The following NAV2 variants were observed in gnomAD, a reference collection of about 807,000 sequenced individuals.
NAV2 encodes neuron navigator 2.
In NAV2, 54 loss-of-function variants were observed where a neutral mutation model predicts 223.2. The observed-to-expected ratio is 0.24, with a 90% confidence interval of 0.19 to 0.30. NAV2 has a LOEUF of 0.30. Among genes scored for constraint, NAV2 ranks in the 10% least tolerant of loss-of-function variants. The pLI is 1.00. For synonymous variants in NAV2, 1,279 were observed against 1,239.3 expected (o/e 1.03, Z -0.67); for missense variants, 2,806 against 3,147.5 (o/e 0.89, Z 2.60).
chr11:20,044,392 C>T (rs7121153), intron 13 of NAV2, 120 bp downstream of exon 13: 896,179 of 903,544 alleles, frequency 0.99, 444,830 homozygotes, highest in East Asian at 1. Flanking sequence ...CTGCTAACAA[C>T]GAGCTTCCAT....
In NAV2 at chr11:20,093,114, A is replaced by G; in HGVS notation, c.5831A>G (p.Asp1944Gly). The stretch of plus-strand genomic sequence containing the variant: ...CCATTCGCAGACATGTTGCTGGATG[A>G]CACTGGTGAATGCTCGGCTCGGAAG... ...ESTSLDMLLD[D>G]TGECSARKEG... Residue 1944 changes from aspartate to glycine, a missense_variant, in exon 29 of 38, where the codon GAC becomes GGC. Physicochemically the swap from Asp to Gly is moderately conservative, Grantham distance 94. Coordinates refer to ENST00000349880, the MANE Select transcript of NAV2 (RefSeq NM_145117.5). 1 of 1,613,908 alleles carries G rather than the reference A, an allele frequency of 6.2e-7. No individual in the cohort carries two copies. The highest frequency in any genetic ancestry group is 8.5e-7 in the Non-Finnish European group (1 of 1,179,902).
intron 11 of NAV2, among the ~76,000 whole-genome samples, chr11:19,999,843 C>A (rs112933928): frequency 1.2e-3 from 181 of 152,284 alleles, no homozygotes; most frequent in Non-Finnish European, 4.3e-4. Flanking sequence ...CCAGTCAGTG[C>A]CCTTGATCAA....
intron 1 of NAV2, among the ~76,000 whole-genome samples, chr11:19,676,654 G>A (rs1310367759): frequency 1.3e-5 from 2 of 152,182 alleles, no homozygotes; most frequent in African/African-American, 4.8e-5. Flanking sequence ...GCACTCTATG[G>A]GGTGGAGGCA....
At chr11:19,979,580 G>A (rs190043791) in intron 10 of NAV2, among the ~76,000 whole-genome samples, 18 of 152,292 alleles carry the variant, frequency 1.2e-4, no homozygotes, top group African/African-American at 2.9e-4. Context: ...CCTCTGCGAC[G>A]CTTTCTCCCG....
At chr11:19,664,971 G>A (rs116671290) in intron 1 of NAV2, among the ~76,000 whole-genome samples, 45 of 152,322 alleles carry the variant, frequency 3.0e-4, no homozygotes, top group Non-Finnish European at 8.8e-5. Context: ...ACTTGCTCAT[G>A]TCACACAGCT....
At chr11:19,992,334 A>G (rs2051419641) in intron 11 of NAV2, among the ~76,000 whole-genome samples, 1 of 152,222 alleles carries the variant, frequency 6.6e-6, no homozygotes, top group Non-Finnish European at 1.5e-5. Context: ...GAAGTAAACC[A>G]TCTGTAACTT....
intron 1 of NAV2, among the ~76,000 whole-genome samples, chr11:19,427,702 C>A (rs1470362605): frequency 6.6e-6 from 1 of 152,134 alleles, no homozygotes; most frequent in Non-Finnish European, 1.5e-5. Context: ...AGGGTATTTA[C>A]CATTCTAACA....
At chr11:19,770,302 A>G (rs187139187) in intron 1 of NAV2, among the ~76,000 whole-genome samples, 2,010 of 152,066 alleles carry the variant, frequency 0.013, 39 homozygotes, top group African/African-American at 0.043. Flanking sequence ...CCACCTGAGT[A>G]GACTAGATAT....
intron 37 of NAV2, 34 bp downstream of exon 37, chr11:20,114,829 C>G (rs1047483844): frequency 1.3e-6 from 2 of 1,581,620 alleles, no homozygotes; most frequent in Admixed American, 3.5e-5. Flanking sequence ...GCTCAGCATT[C>G]CTTTAGCACT....
chr11:19,483,247 C>T (rs985458438), intron 1 of NAV2, among the ~76,000 whole-genome samples: 11 of 152,176 alleles, frequency 7.2e-5, no homozygotes, highest in African/African-American at 2.7e-4. Context: ...ATGAACAATC[C>T]TTAAGTTTTC....
intron 1 of NAV2, among the ~76,000 whole-genome samples, chr11:19,598,242 AT>A (rs2046260505): frequency 6.6e-6 from 1 of 152,204 alleles, no homozygotes. Flanking sequence ...CCTTTCTAGC[AT>A]GCCAAAGAGA....
chr11:19,550,148 G>A (rs575663794), intron 1 of NAV2, among the ~76,000 whole-genome samples: 2 of 152,168 alleles, frequency 1.3e-5, no homozygotes, highest in African/African-American at 4.8e-5. Flanking sequence ...GAAAAACTCT[G>A]GGACCTGTTT....
intron 6 of NAV2, among the ~76,000 whole-genome samples, chr11:19,899,427 C>T (rs1174421124): frequency 6.6e-6 from 1 of 152,184 alleles, no homozygotes; most frequent in Non-Finnish European, 1.5e-5. Flanking sequence ...CATAAAATTA[C>T]AGGTTAGACT....
At chr11:19,481,343 G>A (rs1000166246) in intron 1 of NAV2, among the ~76,000 whole-genome samples, 3 of 152,126 alleles carry the variant, frequency 2.0e-5, no homozygotes, top group Admixed American at 6.6e-5. Flanking sequence ...GTTCTTGGAA[G>A]AGCTTTCAGT....
At chr11:19,546,838 A>C (rs1441801806) in intron 1 of NAV2, among the ~76,000 whole-genome samples, 1 of 152,164 alleles carries the variant, frequency 6.6e-6, no homozygotes, top group African/African-American at 2.4e-5. Context: ...TTCTAACCCC[A>C]GCTGCAAACA....
At chr11:19,783,443 A>G (rs1489924499) in intron 1 of NAV2, among the ~76,000 whole-genome samples, 2 of 152,090 alleles carry the variant, frequency 1.3e-5, no homozygotes, top group African/African-American at 2.4e-5. Flanking sequence ...TTATCACCCC[A>G]TCCTTTTGAA....
chr11:19,655,401 C>G (rs1313777688), intron 1 of NAV2, among the ~76,000 whole-genome samples: 1 of 152,052 alleles, frequency 6.6e-6, no homozygotes. Flanking sequence ...GGTATATACC[C>G]AAAGGATTAT....
chr11:19,374,078 T>C (rs965220056), intron 1 of NAV2, among the ~76,000 whole-genome samples: 31 of 152,254 alleles, frequency 2.0e-4, no homozygotes, highest in Admixed American at 1.6e-3. Flanking sequence ...GTACATTTTA[T>C]AGCAATTATA....
At chr11:19,850,669 A>T (rs1213707243) in intron 3 of NAV2, among the ~76,000 whole-genome samples, 1 of 152,200 alleles carries the variant, frequency 6.6e-6, no homozygotes, top group Non-Finnish European at 1.5e-5. Flanking sequence ...CCCAAATAGA[A>T]CATTGTAATT....
Sources: gnomAD v4.1 joint callset for allele counts (sites outside exome capture counted in the v4.1 genomes callset) on GRCh38, gnomAD v4.1.1 for gene constraint, MANE v1.5 for transcripts, NCBI Gene and HGNC (gene_info 2026-07-23, HGNC 2026-07-21) for gene names.